NDUFS6: variants seen among roughly 807,000 people sequenced by gnomAD.
NDUFS6 encodes NADH dehydrogenase [ubiquinone] iron-sulfur protein 6, mitochondrial.
In NDUFS6, 14 loss-of-function variants were observed where a neutral mutation model predicts 13.2. The ratio of observed to expected loss-of-function variants is 1.06; its 90% CI spans 0.70 to 1.66. The LOEUF (loss-of-function observed/expected upper bound fraction) is 1.66. Ranked by LOEUF, NDUFS6 falls within the 40% of genes most tolerant of loss-of-function variation. NDUFS6 has a pLI of 0.00. For synonymous variants in NDUFS6, 95 were observed against 72.3 expected (o/e 1.31, Z -1.60); for missense variants, 206 against 170.8 (o/e 1.21, Z -1.15).
chr5:1,813,279 A>G (rs903083122), intron 2 of NDUFS6, among the ~76,000 whole-genome samples: 6 of 152,194 alleles, frequency 3.9e-5, no homozygotes, highest in Non-Finnish European at 7.4e-5. Context: ...TTACTCTCTT[A>G]AAGTGTTGGG....
rs369695235 is a variant in NDUFS6 at position 1,810,528 on chromosome 5, A to G, written c.187-3811A>G. 2.6e-4 allele frequency among the ~76,000 whole-genome samples: 40 copies of G among 152,356 alleles called. No homozygotes were observed. The South Asian group carries it at 8.3e-3, about 32-fold the overall frequency. Reference sequence around the variant, plus strand: ...AGGCATGTCCCCTTTCCAAGTTCCCAAATTTGCCATCGTGAGCATCATCAA... The same window carrying G: ...AGGCATGTCCCCTTTCCAAGTTCCCGAATTTGCCATCGTGAGCATCATCAA... On this transcript the variant is annotated intron_variant, in intron 2 of 3. Transcript: ENST00000274137.
At position 1,814,711 on chromosome 5, in the gene NDUFS6, G is replaced by T. The variant is rs757235933; in HGVS notation, c.309+250G>T. ...TGTTTCTCTTCTCGGACGCCCAAGC[G>T]TCTTTCCTCTCTGGGCCCTTCTCGG... On this transcript the variant is annotated intron_variant, in intron 3 of 3. Coordinates refer to ENST00000274137, the MANE Select transcript of NDUFS6 (RefSeq NM_004553.6). This position sits in a 1 kb window ranked among gnomAD's most constrained non-coding sequence, Gnocchi z 4.9. 1.1e-5 allele frequency: 8 copies of T among 716,336 alleles called. No individual in the cohort carries two copies. In the East Asian group the frequency reaches 2.1e-4, roughly 19 times the overall value. 44.4% of individuals were successfully genotyped at this position (716,336 alleles called of 1,614,324 possible).
At position 1,814,161 on chromosome 5, in the gene NDUFS6, T is replaced by G. The variant is rs932462950; in HGVS notation, c.187-178T>G. 3.9e-5 allele frequency among the ~76,000 whole-genome samples: 6 copies of G among 152,120 alleles called. No homozygotes were observed. Among genetic ancestry groups the G allele is most frequent in the African/African-American group, 9.7e-5 (4 of 41,410 alleles). On this transcript the variant is annotated intron_variant, in intron 2 of 3. Coordinates refer to ENST00000274137, the MANE Select transcript of NDUFS6 (RefSeq NM_004553.6). This position sits in a 1 kb window ranked among gnomAD's most constrained non-coding sequence, Gnocchi z 4.9. ...CTCCGCGTTTGGAACTTTATTCCAG[T>G]GAAAAGTAGATGTGTGTGTAGGCCC... is the stretch of plus-strand genomic sequence containing the variant.
chr5:1,808,100 T>G (rs1268631425), intron 2 of NDUFS6, among the ~76,000 whole-genome samples: 2 of 152,172 alleles, frequency 1.3e-5, no homozygotes, highest in Non-Finnish European at 2.9e-5. Context: ...ACCCTCCGCC[T>G]TTGCAGGTCA....
intron 2 of NDUFS6, among the ~76,000 whole-genome samples, chr5:1,803,477 G>A (rs989074449): frequency 2.4e-4 from 36 of 152,180 alleles, no homozygotes; most frequent in Non-Finnish European, 1.6e-4. Flanking sequence ...TTTGCCTCTC[G>A]GAGTAGAAGC....
intron 2 of NDUFS6, among the ~76,000 whole-genome samples, chr5:1,807,145 A>AGGTACTGCGTGAGGTACTCAGT (rs1734138061): frequency 6.6e-6 from 1 of 152,042 alleles, no homozygotes; most frequent in Non-Finnish European, 1.5e-5. Context: ...AGGTACTCAG[A>AGGTACTGCGTGAGGTACTCAGT]GGTACTGCGT....
At chr5:1,802,814 C>G (rs545295931) in intron 2 of NDUFS6, among the ~76,000 whole-genome samples, 99 of 152,260 alleles carry the variant, frequency 6.5e-4, no homozygotes, top group Non-Finnish European at 1.1e-3. Context: ...CTTAGTGGGT[C>G]TGTTAGCTCT....
intron 2 of NDUFS6, among the ~76,000 whole-genome samples, chr5:1,802,698 A>T (rs1246354146): frequency 6.6e-6 from 1 of 152,216 alleles, no homozygotes; most frequent in Non-Finnish European, 1.5e-5. Context: ...TATTCTTTTA[A>T]CCACCTGGAG....
chr5:1,815,805 A>G (rs1734299084), intron 3 of NDUFS6, 46 bp from the exon 4 acceptor site: 1 of 1,573,718 alleles, frequency 6.4e-7, no homozygotes, highest in South Asian at 1.1e-5. Context: ...TCTAGATTTG[A>G]AGTAGAATAT....
At chr5:1,804,815 T>A (rs1321448510) in intron 2 of NDUFS6, among the ~76,000 whole-genome samples, 1 of 152,260 alleles carries the variant, frequency 6.6e-6, no homozygotes, top group Non-Finnish European at 1.5e-5. Context: ...GATGAGCTGA[T>A]ACTCATACAT....
chr5:1,805,418 A>G (rs1444258374), intron 2 of NDUFS6, among the ~76,000 whole-genome samples: 1 of 152,288 alleles, frequency 6.6e-6, no homozygotes, highest in Non-Finnish European at 1.5e-5. Context: ...TGGTCTTTGC[A>G]GAAAAACAGT....
chr5:1,803,806 G>C lies in NDUFS6; in HGVS notation c.186+1432G>C, dbSNP rs115205366. ...GCATTGCGAATGGGACATTTCTTCC[G>C]TGTGCAGGCTGTCCTGGGCATTCTT... On this transcript the variant is annotated intron_variant, in intron 2 of 3. Coordinates refer to ENST00000274137, the MANE Select transcript of NDUFS6 (RefSeq NM_004553.6). 3.0e-3 allele frequency among the ~76,000 whole-genome samples: 459 copies of C among 152,318 alleles called. 5 individuals carry two copies. Among genetic ancestry groups the C allele is most frequent in the African/African-American group, 0.011 (443 of 41,560 alleles).
At chr5:1,801,668 A>G (rs950037140) in intron 1 of NDUFS6, 119 bp downstream of exon 1, 1 of 1,428,706 alleles carries the variant, frequency 7.0e-7, no homozygotes, top group Non-Finnish European at 9.3e-7. Context: ...GGTCGTGGTA[A>G]GGTTGTGCTG....
chr5:1,801,935 C>T (rs1734051582), intron 1 of NDUFS6, among the ~76,000 whole-genome samples: 1 of 152,262 alleles, frequency 6.6e-6, no homozygotes, highest in African/African-American at 2.4e-5. Flanking sequence ...ACAAAAAAGC[C>T]CTAAGCCAAA....
At chr5:1,804,219 G>A (rs1734091249) in intron 2 of NDUFS6, among the ~76,000 whole-genome samples, 1 of 152,240 alleles carries the variant, frequency 6.6e-6, no homozygotes, top group African/African-American at 2.4e-5. Flanking sequence ...GCTCATTCAT[G>A]CAATCTGGCT....
At chr5:1,801,910 G>A (rs1734050844) in intron 1 of NDUFS6, among the ~76,000 whole-genome samples, 2 of 152,230 alleles carry the variant, frequency 1.3e-5, no homozygotes, top group South Asian at 2.1e-4. Flanking sequence ...TGAGAAGTCG[G>A]TTGTAGTCCA....
At position 1,807,197 on chromosome 5, in the gene NDUFS6, T is replaced by TGAGGTACTCAGAGGTACTGC. The variant is rs1561104790; in HGVS notation, c.186+4824_186+4825insAGGTACTCAGAGGTACTGCG. On this transcript the variant is annotated intron_variant, in intron 2 of 3. Transcript: ENST00000274137. The stretch of plus-strand genomic sequence containing the variant: ...CTGCGTGAGGTACTCAGAGGTACTG[T>TGAGGTACTCAGAGGTACTGC]GTGAACACTGTGTGATTCCTCTGAT... Among the ~76,000 whole-genome samples, 29 of 17,598 alleles carry TGAGGTACTCAGAGGTACTGC rather than the reference T, an allele frequency of 1.6e-3. No homozygotes were observed. The East Asian group carries it at 0.035, about 21-fold the overall frequency. The allele number at this position is 17,598 out of a possible 152,430, so 11.5% of individuals were successfully genotyped here. A position where few individuals can be genotyped will look rare whatever the true frequency, so the allele number is the denominator to read the frequency against.
chr5:1,806,060 G>A (rs992475009), intron 2 of NDUFS6, among the ~76,000 whole-genome samples: 3 of 152,240 alleles, frequency 2.0e-5, no homozygotes, highest in African/African-American at 7.2e-5. Context: ...CACCATGAGG[G>A]CAGGCTTCAC....
chr5:1,813,284 G>A (rs1412714965), intron 2 of NDUFS6, among the ~76,000 whole-genome samples: 1 of 152,208 alleles, frequency 6.6e-6, no homozygotes, highest in Non-Finnish European at 1.5e-5. Flanking sequence ...CTCTTAAAGT[G>A]TTGGGAATTC....
Sources: allele counts gnomAD v4.1 joint callset (sites outside exome capture counted in the v4.1 genomes callset), GRCh38; gene constraint gnomAD v4.1.1; non-coding constraint Gnocchi (gnomAD v3.1); transcripts MANE v1.5; gene names NCBI Gene and HGNC (gene_info 2026-07-23, HGNC 2026-07-21).